The following RRP7A variants were observed in gnomAD, a reference collection of about 807,000 sequenced individuals.
The protein encoded by RRP7A is ribosomal RNA processing 7 homolog A.
Under a neutral mutation model 38.4 loss-of-function variants are expected in RRP7A, and 27 were observed. The ratio of observed to expected loss-of-function variants is 0.70; its 90% CI spans 0.52 to 0.97. The LOEUF is 0.97. RRP7A is among the 50% of genes least tolerant of loss of function. The pLI is 0.00. For synonymous variants in RRP7A, 124 were observed against 150.3 expected (o/e 0.83, Z 1.28); for missense variants, 327 against 375.4 (o/e 0.87, Z 1.07).
Position 42,508,910 on chromosome 22 carries a change from A to C in RRP7A, c.*4000T>G. 1 of 1,415,914 alleles carries C rather than the reference A, an allele frequency of 7.1e-7. No individual in the cohort carries two copies. Among genetic ancestry groups the C allele is most frequent in the Non-Finnish European group, 9.8e-7 (1 of 1,022,226 alleles). The allele number at this position is 1,415,914 out of a possible 1,614,324, so 87.7% of individuals were successfully genotyped here. A position where few individuals can be genotyped will look rare whatever the true frequency, so the allele number is the denominator to read the frequency against. ...GATGTGGGGTCCTGGGCTCAGACCC[A>C]GGGTGGGTGGCTAAGGTGCCCTCGC... On this transcript the variant is annotated 3_prime_UTR_variant, in exon 7 of 7. Transcript: ENST00000323013.
Position 42,512,906 on chromosome 22 carries a change from C to A in RRP7A, c.*4G>T, listed in dbSNP as rs573382202. 6.2e-6 allele frequency: 10 copies of A among 1,612,868 alleles called. No homozygotes were observed. In the South Asian group the frequency reaches 1.1e-4, roughly 18 times the overall value. On this transcript the variant is annotated 3_prime_UTR_variant, in exon 7 of 7. Coordinates refer to ENST00000323013, the MANE Select transcript of RRP7A (RefSeq NM_015703.5). ...CTCCAGCCATTCACTGCGGCTCTCA[C>A]AGCTCAGTACGGTCGGAATTTGCGC...
rs1349979041 is a variant in RRP7A at position 42,519,709 on chromosome 22, C to G, written c.73+5G>C. The G allele has an allele frequency of 1.4e-6, 2 of 1,452,854 alleles. No individual in the cohort carries two copies. The highest frequency in any genetic ancestry group is 1.8e-6 in the Non-Finnish European group (2 of 1,103,508). 90.0% of individuals were successfully genotyped at this position (1,452,854 alleles called of 1,614,324 possible). ...CCCCCGGTCTCGCGTCCCGGAGCCC[C>G]TCACCTGCGTAGCCCAGTGGGCTGG... On this transcript the variant is annotated splice_donor_5th_base_variant and intron_variant, in intron 1 of 6. Coordinates refer to ENST00000323013, the MANE Select transcript of RRP7A (RefSeq NM_015703.5).
chr22:42,510,745 C>G lies in RRP7A; in HGVS notation c.*2165G>C, dbSNP rs1452211881. On this transcript the variant is annotated 3_prime_UTR_variant, in exon 7 of 7. Coordinates refer to ENST00000323013, the MANE Select transcript of RRP7A (RefSeq NM_015703.5). ...AAGAGGTAAGGCGGGGCTCAGGCAGCTGGTGTCCAGCCACTGTCGCCCACT... is the reference window on the plus strand; with the variant it reads ...AAGAGGTAAGGCGGGGCTCAGGCAGGTGGTGTCCAGCCACTGTCGCCCACT... 5 of 1,493,266 alleles carry G rather than the reference C, an allele frequency of 3.3e-6. No individual in the cohort carries two copies. In the East Asian group the frequency reaches 1.3e-4, roughly 39 times the overall value. The allele number at this position is 1,493,266 out of a possible 1,614,324, so 92.5% of individuals were successfully genotyped here.
In RRP7A at chr22:42,516,015, A is replaced by G. The variant is rs146335601; in HGVS notation, c.338T>C (p.Val113Ala). The G allele has an allele frequency of 3.4e-5, 55 of 1,595,904 alleles. No homozygotes were observed. In the African/African-American group the frequency reaches 7.0e-4, roughly 20 times the overall value. Residue 113 changes from valine (V) to alanine (A), a missense_variant, in exon 3 of 7, where the codon GTT becomes GCT. Physicochemically the swap from Val to Ala is moderately conservative, Grantham distance 64 (BLOSUM62 0). Coordinates refer to ENST00000323013, the MANE Select transcript of RRP7A (RefSeq NM_015703.5). ...SRSKFFHPKP[V>A]PGFQVAYVVF... Reference sequence around the variant, plus strand: ...ACCCCGGGCTTGGCGGCTCACCGGAACTGGCTTGGGATGAAAAAACTTCGA... The same window carrying G: ...ACCCCGGGCTTGGCGGCTCACCGGAGCTGGCTTGGGATGAAAAAACTTCGA...
chr22:42,512,622 G>C lies in RRP7A; in HGVS notation c.*288C>G, dbSNP rs1256848460. The stretch of plus-strand genomic sequence containing the variant: ...TTGCATTGAGGGAAAAGGAAGCACA[G>C]AACGGATTCATCCAGGGTCCTGGAG... On this transcript the variant is annotated 3_prime_UTR_variant, in exon 7 of 7. Coordinates refer to ENST00000323013, the MANE Select transcript of RRP7A (RefSeq NM_015703.5). The C allele has an allele frequency of 1.7e-6, 1 of 571,454 alleles. No homozygotes were observed. Among genetic ancestry groups the C allele is most frequent in the Non-Finnish European group, 3.1e-6 (1 of 318,546 alleles). 35.4% of individuals were successfully genotyped at this position (571,454 alleles called of 1,614,324 possible).
chr22:42,519,282 G>C (rs1165723074), intron 1 of RRP7A, among the ~76,000 whole-genome samples: 1 of 150,972 alleles, frequency 6.6e-6, no homozygotes, highest in East Asian at 2.0e-4. Context: ...ATTCTGGCAC[G>C]TGGGTGGAGA....
chr22:42,513,239 T>C (rs1257171093), intron 6 of RRP7A, among the ~76,000 whole-genome samples: 4 of 142,670 alleles, frequency 2.8e-5, no homozygotes, highest in East Asian at 2.0e-4. Flanking sequence ...AGCCTGGAGA[T>C]GAAGCCCTAG....
At chr22:42,516,219 G>C (rs1444118846) in intron 2 of RRP7A, 83 bp from the exon 3 acceptor site, 1 of 1,564,754 alleles carries the variant, frequency 6.4e-7, no homozygotes, top group Non-Finnish European at 8.7e-7. Context: ...GCGCTGCCAG[G>C]GGTCCAGCGC....
In RRP7A at chr22:42,510,816, C is replaced by T. The variant is rs1287805351; in HGVS notation, c.*2094G>A. 2.1e-5 allele frequency: 27 copies of T among 1,281,438 alleles called. No homozygotes were observed. In the East Asian group the frequency reaches 4.0e-4, roughly 19 times the overall value. 79.4% of individuals were successfully genotyped at this position (1,281,438 alleles called of 1,614,324 possible). On this transcript the variant is annotated 3_prime_UTR_variant, in exon 7 of 7. Coordinates refer to ENST00000323013, the MANE Select transcript of RRP7A (RefSeq NM_015703.5). ...TCTTCTCATGCACTGGGAAAGACCC[C>T]TGGTCTGCCCCCAGGCCCAACAAGT...
At chr22:42,516,755 G>A (rs1005608312) in intron 2 of RRP7A, among the ~76,000 whole-genome samples, 7 of 152,316 alleles carry the variant, frequency 4.6e-5, no homozygotes, top group African/African-American at 1.4e-4. Context: ...TGGAGGCAGC[G>A]GGGGTTCTGG....
chr22:42,514,762 C>G lies in RRP7A; in HGVS notation c.478G>C (p.Ala160Pro), dbSNP rs575305691. ...SGIHKWISDY[A>P]DSVPDPEALR... ...GCCTCAGGGTCGGGCACAGAGTCTG[C>G]GTAGTCACTGATCCACTCTGAGGAA... The change falls in exon 5 of 7, where the codon GCA becomes CCA. Residue 160 changes from alanine to proline, a missense_variant. Physicochemically the swap from Ala to Pro is conservative, Grantham distance 27. This residue lies in a region of RRP7A where 46 missense variants were observed against 93.0 expected (regional missense o/e 0.49). Transcript: ENST00000323013. 1.9e-6 allele frequency: 3 copies of G among 1,610,336 alleles called. No individual in the cohort carries two copies. Among genetic ancestry groups the G allele is most frequent in the Non-Finnish European group, 2.5e-6 (3 of 1,178,328 alleles).
At chr22:42,516,336 CTT>C (rs11377171) in intron 2 of RRP7A, 200 bp from the exon 3 acceptor site, 554 of 594,130 alleles carry the variant, frequency 9.3e-4, no homozygotes, top group Non-Finnish European at 1.1e-3. Flanking sequence ...TATTCCTGCT[CTT>C]TTTTTTTTTT....
chr22:42,509,728 GAC>G lies in RRP7A; in HGVS notation c.*3180_*3181del, dbSNP rs1259755055. Reference sequence around the variant, plus strand: ...ACATCGCACTAAGTGGATGAAGTCAGACACAACCGTCTACGTGTTGTATGGCT... The same window carrying G: ...ACATCGCACTAAGTGGATGAAGTCAGACAACCGTCTACGTGTTGTATGGCT... On this transcript the variant is annotated 3_prime_UTR_variant, in exon 7 of 7. Coordinates refer to ENST00000323013, the MANE Select transcript of RRP7A (RefSeq NM_015703.5). Among the ~76,000 whole-genome samples the G allele has an allele frequency of 6.6e-5, 10 of 151,496 alleles. No homozygotes were observed. The highest frequency in any genetic ancestry group is 2.4e-4 in the African/African-American group (10 of 41,372).
rs966109078 is a variant in RRP7A, at chr22:42,510,134, T to A, written c.*2776A>T. 2 of 152,168 alleles carry A rather than the reference T, an allele frequency of 1.3e-5. No individual in the cohort carries two copies. Among genetic ancestry groups the A allele is most frequent in the African/African-American group, 4.8e-5 (2 of 41,378 alleles). 9.4% of individuals were successfully genotyped at this position (152,168 alleles called of 1,614,324 possible). On this transcript the variant is annotated 3_prime_UTR_variant, in exon 7 of 7. Transcript: ENST00000323013. ...CACCCACCACCAAGCCCGGCTAATTTTTGTATTTTTAGTACAGACAGGGTT... is the reference window on the plus strand; with the variant it reads ...CACCCACCACCAAGCCCGGCTAATTATTGTATTTTTAGTACAGACAGGGTT...
intron 3 of RRP7A, among the ~76,000 whole-genome samples, chr22:42,515,787 G>C (rs1048292914): frequency 3.3e-5 from 5 of 152,326 alleles, no homozygotes; most frequent in African/African-American, 9.6e-5. Flanking sequence ...CGGTCCGTGA[G>C]CTTTAACACG....
chr22:42,516,495 A>T (rs5751292), intron 2 of RRP7A: 311,805 of 371,478 alleles, frequency 0.84, 131,674 homozygotes, highest in African/African-American at 0.97. Context: ...GTATTTTGAG[A>T]AGAGACAGGG....
At chr22:42,517,606 A>G (rs1726142250) in intron 2 of RRP7A, among the ~76,000 whole-genome samples, 2 of 151,832 alleles carry the variant, frequency 1.3e-5, no homozygotes, top group Admixed American at 6.6e-5. Flanking sequence ...TGCAACCTAC[A>G]CCTCCCGGGT....
In RRP7A at chr22:42,514,194, C is replaced by A; in HGVS notation, c.669G>T (p.Leu223Phe). Reference sequence around the variant, plus strand: ...TCCGTCTCTCCCTCTCCAGCACCCGCAAGCTGGCTGCCTCAGTCCGGGGGA... The same window carrying A: ...TCCGTCTCTCCCTCTCCAGCACCCGAAAGCTGGCTGCCTCAGTCCGGGGGA... ...PVLPRTEAAS[L>F]RVLERERRKR... Residue 223 changes from leucine to phenylalanine, a missense_variant, in exon 6 of 7, where the codon TTG (leucine) becomes TTT (phenylalanine). By Grantham distance (22) the Leu-to-Phe change is conservative (BLOSUM62 0). Transcript: ENST00000323013. 6.2e-7 allele frequency: 1 copy of A among 1,612,286 alleles called. No homozygotes were observed. Among genetic ancestry groups the A allele is most frequent in the Non-Finnish European group, 8.5e-7 (1 of 1,179,628 alleles).
intron 2 of RRP7A, chr22:42,516,435 G>C (rs1419182726): frequency 4.6e-6 from 2 of 437,660 alleles, no homozygotes; most frequent in Non-Finnish European, 8.9e-6. Flanking sequence ...TCAGTCTCCC[G>C]AGCAGCTGGG....
Sources: allele counts gnomAD v4.1 joint callset (sites outside exome capture counted in the v4.1 genomes callset), GRCh38; gene constraint gnomAD v4.1.1; regional missense constraint gnomAD v4.1.1; transcripts MANE v1.5; gene names NCBI Gene and HGNC (gene_info 2026-07-23, HGNC 2026-07-21).